BRF1: variants seen among roughly 807,000 people sequenced by gnomAD.
BRF1 encodes the protein BRF1 general transcription factor IIIB subunit.
In BRF1, 59 loss-of-function variants were observed where a neutral mutation model predicts 81.7. That is an observed-to-expected ratio of 0.72 (90% CI 0.59 to 0.90). The LOEUF (loss-of-function observed/expected upper bound fraction) is 0.90. Ranked by LOEUF, BRF1 falls within the 40% of genes least tolerant of loss-of-function variation. BRF1 has a pLI of 0.00. For missense variants in BRF1, 1,050 were observed against 936.3 expected (o/e 1.12, Z -1.58); for synonymous variants, 491 against 395.6 (o/e 1.24, Z -2.86).
chr14:105,263,756 T>C (rs2056273346), intron 3 of BRF1, among the ~76,000 whole-genome samples: 1 of 151,858 alleles, frequency 6.6e-6, no homozygotes, highest in Non-Finnish European at 1.5e-5. Flanking sequence ...AAACCCTGTC[T>C]CTACTAAAAA....
chr14:105,210,676 C>A lies in BRF1; in HGVS notation c.1997-88G>T. Reference sequence around the variant, plus strand: ...AACCCGCCCTGTTCCTGGTGCCCCCCTAGAAGACTCAGGCTCCAGCCCCAG... The same window carrying A: ...AACCCGCCCTGTTCCTGGTGCCCCCATAGAAGACTCAGGCTCCAGCCCCAG... On this transcript the variant is annotated intron_variant, in intron 17 of 17. Coordinates refer to ENST00000547530, the MANE Select transcript of BRF1 (RefSeq NM_001519.4). This position sits in a 1 kb window ranked among gnomAD's most constrained non-coding sequence, Gnocchi z 4.7. 1 of 1,456,740 alleles carries A rather than the reference C, an allele frequency of 6.9e-7. No individual in the cohort carries two copies. The highest frequency in any genetic ancestry group is 1.2e-5 in the South Asian group (1 of 82,670). 90.2% of individuals were successfully genotyped at this position (1,456,740 alleles called of 1,614,324 possible). A position where few individuals can be genotyped will look rare whatever the true frequency, so the allele number is the denominator to read the frequency against.
chr14:105,217,229 C>T (rs1378109207), intron 15 of BRF1: 11 of 486,292 alleles, frequency 2.3e-5, no homozygotes, highest in Admixed American at 3.5e-5. Context: ...CTCTTCTTCC[C>T]GAACCCAGGC....
intron 5 of BRF1, chr14:105,250,929 C>G (rs910028223): frequency 8.2e-6 from 4 of 484,902 alleles, no homozygotes; most frequent in African/African-American, 7.7e-5. Context: ...AGATCCCCTC[C>G]CAGTGGCACC....
intron 15 of BRF1, 43 bp from the exon 16 acceptor site, chr14:105,212,207 C>A (rs374085127): frequency 1.9e-5 from 30 of 1,591,252 alleles, no homozygotes; most frequent in Non-Finnish European, 2.5e-5. Context: ...CCCAGGCTCC[C>A]GAACGCCTGC....
In BRF1 at chr14:105,284,826, G is replaced by C. The variant is rs1248421916; in HGVS notation, c.265+1470C>G. ...AAAACAAAAAACAGGCACTAGACTA[G>C]AAAGGAAAGATAACACGATCTTGTA... On this transcript the variant is annotated intron_variant, in intron 2 of 17. Transcript: ENST00000547530. This position sits in a 1 kb window ranked among gnomAD's most constrained non-coding sequence, Gnocchi z 4.0. Among the ~76,000 whole-genome samples, 1 of 152,170 alleles carries C rather than the reference G, an allele frequency of 6.6e-6. No homozygotes were observed. Among genetic ancestry groups the C allele is most frequent in the Admixed American group, 6.5e-5 (1 of 15,276 alleles).
chr14:105,268,816 C>G (rs375337913), intron 3 of BRF1, among the ~76,000 whole-genome samples: 2 of 152,300 alleles, frequency 1.3e-5, no homozygotes, highest in African/African-American at 4.8e-5. Context: ...TGCGCCCTGG[C>G]TAAAGGTGGC....
At chr14:105,307,909 A>G (rs2140667559) in intron 1 of BRF1, among the ~76,000 whole-genome samples, 1 of 152,352 alleles carries the variant, frequency 6.6e-6, no homozygotes, top group South Asian at 2.1e-4. Flanking sequence ...CCAGGCCAGG[A>G]CAGTGGCTCA....
At chr14:105,296,678 G>C (rs1344950722) in intron 1 of BRF1, among the ~76,000 whole-genome samples, 2 of 139,034 alleles carry the variant, frequency 1.4e-5, no homozygotes, top group Non-Finnish European at 3.1e-5. Flanking sequence ...CAAGACACCA[G>C]CTCAAAAAAA....
At chr14:105,291,449 G>C (rs980310947) in intron 1 of BRF1, among the ~76,000 whole-genome samples, 1 of 152,220 alleles carries the variant, frequency 6.6e-6, no homozygotes, top group Non-Finnish European at 1.5e-5. Context: ...GCCGATGTGG[G>C]TGGGTCACTT....
At chr14:105,275,501 C>T (rs587649760) in intron 2 of BRF1, among the ~76,000 whole-genome samples, 1 of 152,392 alleles carries the variant, frequency 6.6e-6, no homozygotes, top group East Asian at 1.9e-4. Flanking sequence ...CACAGACCGT[C>T]CCCGCGGCCC....
intron 3 of BRF1, among the ~76,000 whole-genome samples, chr14:105,265,669 G>A (rs11624902): frequency 0.22 from 32,965 of 151,848 alleles, 4,054 homozygotes; most frequent in Middle Eastern, 0.27. Context: ...AGGCCGAGGC[G>A]GATGGATCAC....
At chr14:105,281,525 T>C (rs1000211894) in intron 2 of BRF1, among the ~76,000 whole-genome samples, 1 of 148,240 alleles carries the variant, frequency 6.7e-6, no homozygotes, top group Non-Finnish European at 1.5e-5. Context: ...CCCGGGTGTG[T>C]GGACAGAGCC....
intron 3 of BRF1, 26 bp from the exon 4 acceptor site, chr14:105,256,575 C>A: frequency 6.2e-7 from 1 of 1,610,042 alleles, no homozygotes; most frequent in South Asian, 1.1e-5. Context: ...AGGATCCTGT[C>A]GAGTGGCTGC....
At chr14:105,301,189 C>T (rs1238110069), upstream of BRF1, 1 of 152,808 alleles carries the variant, frequency 6.5e-6, no homozygotes, top group Non-Finnish European at 1.5e-5. Flanking sequence ...TGGGCGGGCC[C>T]TTGGCGATGA....
At chr14:105,218,247 T>C (rs761545688) in intron 14 of BRF1, among the ~76,000 whole-genome samples, 1 of 152,200 alleles carries the variant, frequency 6.6e-6, no homozygotes. Flanking sequence ...CCGAAGACCC[T>C]GGATCTCCTT....
rs189792986 is a variant in BRF1, at chr14:105,309,809, G to T, written c.-162+5513C>A. Among the ~76,000 whole-genome samples, 1 of 137,552 alleles carries T rather than the reference G, an allele frequency of 7.3e-6. No homozygotes were observed. The highest frequency in any genetic ancestry group is 2.8e-5 in the African/African-American group (1 of 35,938). 90.2% of individuals were successfully genotyped at this position (137,552 alleles called of 152,430 possible). A position where few individuals can be genotyped will look rare whatever the true frequency, so the allele number is the denominator to read the frequency against. Reference sequence around the variant, plus strand: ...TTTTTTTTTTTTTTTTTTTTTAGACGGAGTCTCACTCTCTTGCCCAGGCAG... The same window carrying T: ...TTTTTTTTTTTTTTTTTTTTTAGACTGAGTCTCACTCTCTTGCCCAGGCAG... On this transcript the variant is annotated intron_variant, in intron 1 of 17. Transcript: ENST00000327359. The surrounding 1 kb of genome is among the most constrained non-coding windows in gnomAD (Gnocchi z 4.0).
At chr14:105,298,132 T>C (rs2057815732) in intron 1 of BRF1, among the ~76,000 whole-genome samples, 2 of 152,270 alleles carry the variant, frequency 1.3e-5, no homozygotes, top group South Asian at 4.1e-4. Flanking sequence ...CCAGTAATTA[T>C]AATGCAGATA....
chr14:105,262,160 G>C (rs1455251516), intron 3 of BRF1, among the ~76,000 whole-genome samples: 1 of 152,188 alleles, frequency 6.6e-6, no homozygotes, highest in African/African-American at 2.4e-5. Context: ...TGCCTGGACG[G>C]GGCTATGACG....
At chr14:105,216,191 G>A (rs587606353) in intron 15 of BRF1, among the ~76,000 whole-genome samples, 8 of 152,278 alleles carry the variant, frequency 5.3e-5, no homozygotes, top group Admixed American at 1.3e-4. Context: ...ATGCACACCC[G>A]GGCCCTGTCT....
Sources: allele counts gnomAD v4.1 joint callset (sites outside exome capture counted in the v4.1 genomes callset), GRCh38; gene constraint gnomAD v4.1.1; non-coding constraint Gnocchi (gnomAD v3.1); transcripts MANE v1.5; gene names NCBI Gene and HGNC (gene_info 2026-07-23, HGNC 2026-07-21).